ACOXL: variants seen among roughly 807,000 people sequenced by gnomAD.
ACOXL encodes acyl-coenzyme A oxidase-like protein.
A neutral mutation model predicts 71.9 loss-of-function variants in ACOXL; 70 were observed. The ratio of observed to expected loss-of-function variants is 0.97; its 90% CI spans 0.80 to 1.19. ACOXL has a LOEUF of 1.19. Ranked by LOEUF, ACOXL falls within the 50% of genes most tolerant of loss-of-function variation. The pLI is 0.00. For missense variants in ACOXL, 703 were observed against 736.3 expected, an observed-to-expected ratio of 0.95 and a Z score of 0.52; for synonymous variants, 253 against 281.6, an observed-to-expected ratio of 0.90 and a Z score of 1.02.
chr2:111,091,456 T>C (rs974605119), intron 16 of ACOXL, among the ~76,000 whole-genome samples: 1 of 152,206 alleles, frequency 6.6e-6, no homozygotes, highest in Non-Finnish European at 1.5e-5. Flanking sequence ...ACCTGAGCGA[T>C]GAGGATTAAA....
rs185511260 is a variant in ACOXL at position 110,735,789 on chromosome 2, T to C, written c.-23+3015T>C. Among the ~76,000 whole-genome samples the C allele has an allele frequency of 2.0e-4, 30 of 152,326 alleles. No homozygotes were observed. The East Asian group carries it at 3.3e-3, about 17-fold the overall frequency. On this transcript the variant is annotated intron_variant, in intron 1 of 17. Transcript: ENST00000439055. ...ATTCTGGGTGACTGGCGGCTCCTCA[T>C]TGGGATTTGCAGGGAATGTTAAAAA...
intron 11 of ACOXL, among the ~76,000 whole-genome samples, chr2:110,920,767 A>G (rs2149289183): frequency 6.6e-6 from 1 of 152,250 alleles, no homozygotes; most frequent in African/African-American, 2.4e-5. Context: ...TGACTTAGAA[A>G]TCAATTTGGG....
intron 14 of ACOXL, among the ~76,000 whole-genome samples, chr2:111,024,393 G>C (rs2064919000): frequency 6.6e-6 from 1 of 152,118 alleles, no homozygotes; most frequent in South Asian, 2.1e-4. Flanking sequence ...ATGGAAGAAG[G>C]CTTTATGCTG....
At chr2:111,105,008 A>G (rs1022517338) in intron 17 of ACOXL, among the ~76,000 whole-genome samples, 34 of 152,154 alleles carry the variant, frequency 2.2e-4, no homozygotes, top group African/African-American at 7.5e-4. Flanking sequence ...TATATAAGGT[A>G]GGAAACTTAG....
rs140881719 is a variant in ACOXL at position 111,048,118 on chromosome 2, C to T, written c.1370-1100C>T. Among the ~76,000 whole-genome samples, 1,396 of 152,330 alleles carry T rather than the reference C, an allele frequency of 9.2e-3. 17 individuals are homozygous for T. The highest frequency in any genetic ancestry group is 0.032 in the African/African-American group (1,328 of 41,582). ...ATGCTTGAGGTCAAATCATTGGAAT[C>T]AGACTGTCCCTCAGCCTTGAGGCTG... On this transcript the variant is annotated intron_variant, in intron 15 of 17. Coordinates refer to ENST00000439055, the MANE Select transcript of ACOXL (RefSeq NM_001142807.4).
chr2:110,748,882 C>T (rs564998090), intron 1 of ACOXL, among the ~76,000 whole-genome samples: 5 of 152,138 alleles, frequency 3.3e-5, no homozygotes, highest in Admixed American at 6.5e-5. Flanking sequence ...TTATTCTTGC[C>T]GTTTTCAACA....
chr2:111,022,421 T>TCACACACA lies in ACOXL; in HGVS notation c.1282-9185_1282-9178dup, dbSNP rs10543530. The stretch of plus-strand genomic sequence containing the variant: ...CAGACAAATATATAAAGACCCCTCC[T>TCACACACA]CACACACACACACACACACACACAC... On this transcript the variant is annotated intron_variant, in intron 14 of 17. Transcript: ENST00000439055. Among the ~76,000 whole-genome samples, 256 of 147,504 alleles carry TCACACACA rather than the reference T, an allele frequency of 1.7e-3. 1 individual carries two copies. Among genetic ancestry groups the TCACACACA allele is most frequent in the Admixed American group, 5.8e-3 (86 of 14,706 alleles).
chr2:110,794,468 A>G (rs1685041476), intron 5 of ACOXL, among the ~76,000 whole-genome samples: 1 of 152,216 alleles, frequency 6.6e-6, no homozygotes, highest in African/African-American at 2.4e-5. Context: ...TCATAACTCC[A>G]AGAGAACAAC....
intron 10 of ACOXL, among the ~76,000 whole-genome samples, chr2:110,879,479 C>T (rs1020457952): frequency 6.6e-6 from 1 of 152,186 alleles, no homozygotes; most frequent in African/African-American, 2.4e-5. Flanking sequence ...ATATTACCAA[C>T]AATCTCTCCC....
rs536980646 is a variant in ACOXL at position 111,024,448 on chromosome 2, T to C, written c.1282-7179T>C. Among the ~76,000 whole-genome samples the C allele has an allele frequency of 3.3e-5, 5 of 152,288 alleles. No homozygotes were observed. In the South Asian group the frequency reaches 8.3e-4, roughly 25 times the overall value. On this transcript the variant is annotated intron_variant, in intron 14 of 17. Transcript: ENST00000439055. ...TGAAGCAGCTGCAAGCCAAGGAATG[T>C]TGGAGACCACTGGCAACCACCAGAA...
intron 9 of ACOXL, among the ~76,000 whole-genome samples, chr2:110,832,996 A>G (rs1690030531): frequency 6.6e-6 from 1 of 152,234 alleles, no homozygotes; most frequent in African/African-American, 2.4e-5. Flanking sequence ...AAGACTTTGG[A>G]AAACAGGTTA....
At chr2:110,754,893 A>G (rs1679467100) in intron 1 of ACOXL, among the ~76,000 whole-genome samples, 1 of 152,192 alleles carries the variant, frequency 6.6e-6, no homozygotes. Context: ...TTAACTTCAT[A>G]ACAAACTGTC....
intron 10 of ACOXL, among the ~76,000 whole-genome samples, chr2:110,900,386 G>A (rs2059188297): frequency 6.6e-6 from 1 of 152,150 alleles, no homozygotes; most frequent in Admixed American, 6.5e-5. Flanking sequence ...AGAGTTAATG[G>A]TAATGACTCT....
chr2:111,117,559 C>T, intron 17 of ACOXL, 57 bp from the exon 18 acceptor site: 1 of 1,530,704 alleles, frequency 6.5e-7, no homozygotes, highest in Non-Finnish European at 8.9e-7. Context: ...GCTGCTGTCA[C>T]TAGATGGCTG....
At chr2:111,027,820 T>C (rs1477415981) in intron 14 of ACOXL, among the ~76,000 whole-genome samples, 1 of 152,162 alleles carries the variant, frequency 6.6e-6, no homozygotes, top group Admixed American at 6.5e-5. Context: ...TTGCTAGTTT[T>C]AAGATGGAGT....
rs538045675 is a variant in ACOXL at position 110,884,887 on chromosome 2, G to A, written c.789-23902G>A. Among the ~76,000 whole-genome samples, 76 of 151,994 alleles carry A rather than the reference G, an allele frequency of 5.0e-4. No individual in the cohort carries two copies. In the South Asian group the frequency reaches 0.015, roughly 30 times the overall value. On this transcript the variant is annotated intron_variant, in intron 10 of 17. Transcript: ENST00000439055. ...AAATTCAGATCAGTAGATTGGCCAC[G>A]AGATACAGCAACAATTGAAACTTCA...
At chr2:111,074,909 A>G (rs1448561736) in intron 16 of ACOXL, among the ~76,000 whole-genome samples, 1 of 152,198 alleles carries the variant, frequency 6.6e-6, no homozygotes, top group Non-Finnish European at 1.5e-5. Flanking sequence ...TGAGTATGCA[A>G]CTGGCCTTGC....
At chr2:110,936,326 C>A (rs1183912278) in intron 12 of ACOXL, among the ~76,000 whole-genome samples, 1 of 152,114 alleles carries the variant, frequency 6.6e-6, no homozygotes, top group Non-Finnish European at 1.5e-5. Context: ...AGTGTAGTGG[C>A]ACAATCACAG....
intron 14 of ACOXL, among the ~76,000 whole-genome samples, chr2:111,015,132 A>G (rs2064365156): frequency 6.6e-6 from 1 of 152,232 alleles, no homozygotes. Context: ...CTTTTCCAAA[A>G]GTGAACATTT....
Sources: allele counts gnomAD v4.1 joint callset (sites outside exome capture counted in the v4.1 genomes callset), GRCh38; gene constraint gnomAD v4.1.1; transcripts MANE v1.5; gene names NCBI Gene and HGNC (gene_info 2026-07-23, HGNC 2026-07-21).